Variants in ALK observed in about 807,000 individuals in gnomAD.
ALK encodes ALK receptor tyrosine kinase.
ALK carries 74 observed loss-of-function variants against 163.1 expected under a neutral mutation model. The observed-to-expected ratio is 0.45, with a 90% CI of 0.38 to 0.55. The LOEUF is 0.55. Among genes scored for constraint, ALK ranks in the 20% least tolerant of loss-of-function variants. ALK has a pLI of 0.00. For missense variants in ALK, 2,063 were observed against 2,105.3 expected (o/e 0.98, Z 0.39); for synonymous variants, 960 against 843.2 (o/e 1.14, Z -2.40).
chr2:29,654,510 C>T (rs1677123963), intron 3 of ALK, among the ~76,000 whole-genome samples: 1 of 152,062 alleles, frequency 6.6e-6, no homozygotes, highest in South Asian at 2.1e-4. Context: ...TTGGGTCATA[C>T]AGTTTGTGGG....
At chr2:29,646,299 C>T (rs1348077099) in intron 3 of ALK, among the ~76,000 whole-genome samples, 1 of 152,156 alleles carries the variant, frequency 6.6e-6, no homozygotes, top group East Asian at 1.9e-4. Flanking sequence ...GCCTCAAAAA[C>T]ACCACTCCTT....
intron 26 of ALK, among the ~76,000 whole-genome samples, chr2:29,202,234 CCTTT>C (rs1214105476): frequency 6.6e-6 from 1 of 152,172 alleles, no homozygotes; most frequent in Non-Finnish European, 1.5e-5. Flanking sequence ...CAAGGCCTGC[CCTTT>C]CTTTCAGGTA....
chr2:29,691,486 T>G (rs1377686775), intron 3 of ALK, among the ~76,000 whole-genome samples: 1 of 152,174 alleles, frequency 6.6e-6, no homozygotes, highest in Non-Finnish European at 1.5e-5. Context: ...CTAACAGTGA[T>G]GACTTTTCAG....
intron 3 of ALK, among the ~76,000 whole-genome samples, chr2:29,603,731 T>C (rs1675442021): frequency 6.6e-6 from 1 of 152,104 alleles, no homozygotes; most frequent in Non-Finnish European, 1.5e-5. Flanking sequence ...ATTCAGTCTC[T>C]CTGGAAACAT....
chr2:29,750,094 C>T (rs1342002670), intron 1 of ALK, among the ~76,000 whole-genome samples: 1 of 152,190 alleles, frequency 6.6e-6, no homozygotes, highest in African/African-American at 2.4e-5. Flanking sequence ...CCGCCGAGGG[C>T]ATGATTGCAT....
intron 1 of ALK, among the ~76,000 whole-genome samples, chr2:29,765,275 A>C (rs1680826730): frequency 1.3e-5 from 2 of 152,204 alleles, no homozygotes; most frequent in South Asian, 4.1e-4. Flanking sequence ...TTCTCACCTG[A>C]AAATGATCGA....
chr2:29,612,000 C>T (rs920661946), intron 3 of ALK, among the ~76,000 whole-genome samples: 9 of 152,164 alleles, frequency 5.9e-5, no homozygotes, highest in East Asian at 3.9e-4. Context: ...TCTTTCTCTA[C>T]GGTATCAATG....
At chr2:29,459,306 TC>T (rs759636859) in intron 4 of ALK, among the ~76,000 whole-genome samples, 2 of 152,070 alleles carry the variant, frequency 1.3e-5, no homozygotes, top group Non-Finnish European at 2.9e-5. Context: ...TTCTCCAACA[TC>T]CACATTTGAA....
At chr2:29,616,736 A>G (rs552382584) in intron 3 of ALK, among the ~76,000 whole-genome samples, 30 of 152,302 alleles carry the variant, frequency 2.0e-4, no homozygotes, top group East Asian at 1.7e-3. Flanking sequence ...CTGAATAGAC[A>G]GAGGACTGGC....
At chr2:29,384,358 T>A (rs768314215) in intron 4 of ALK, among the ~76,000 whole-genome samples, 2 of 152,200 alleles carry the variant, frequency 1.3e-5, no homozygotes, top group African/African-American at 2.4e-5. Context: ...TAGTAAGAAC[T>A]ATTTATTTAC....
chr2:29,204,450 A>G (rs190633565), intron 26 of ALK, among the ~76,000 whole-genome samples: 12 of 152,250 alleles, frequency 7.9e-5, no homozygotes, highest in Non-Finnish European at 1.6e-4. Flanking sequence ...TTTGTAGAAT[A>G]TTCCTCAATT....
chr2:29,573,172 G>C (rs1469116180), intron 3 of ALK, among the ~76,000 whole-genome samples: 8 of 152,154 alleles, frequency 5.3e-5, no homozygotes, highest in Non-Finnish European at 2.9e-5. Flanking sequence ...CTGAGAACTG[G>C]GCTGGATCTG....
Position 29,197,667 on chromosome 2 carries a change from T to A in ALK, c.3948A>T (p.Gly1316=). The change falls in exon 27 of 29, where the codon GGA becomes GGT. Residue 1316 remains glycine, a synonymous_variant. Coordinates refer to ENST00000389048, the MANE Select transcript of ALK (RefSeq NM_004304.5). ...FTSKTDTWSF[G]VLLWEIFSLG... ...GAGAAAAGATTTCCCATAGCAGCAC[T>A]CCAAAGGACCTGGGCATGGGACAGA... 1 of 1,613,792 alleles carries A rather than the reference T, an allele frequency of 6.2e-7. No homozygotes were observed. The highest frequency in any genetic ancestry group is 8.5e-7 in the Non-Finnish European group (1 of 1,179,932).
At chr2:29,193,954 T>G in intron 28 of ALK, 32 bp from the exon 29 acceptor site, 1 of 1,604,650 alleles carries the variant, frequency 6.2e-7, no homozygotes, top group Non-Finnish European at 8.5e-7. Flanking sequence ...AAACTTTGAA[T>G]CAGAGACAAA....
intron 4 of ALK, among the ~76,000 whole-genome samples, chr2:29,459,097 T>C (rs970847694): frequency 6.6e-6 from 1 of 152,172 alleles, no homozygotes; most frequent in Non-Finnish European, 1.5e-5. Context: ...TCTGATGCCA[T>C]CTAACATATG....
intron 1 of ALK, among the ~76,000 whole-genome samples, chr2:29,889,071 T>C (rs942561683): frequency 9.9e-5 from 15 of 152,192 alleles, no homozygotes; most frequent in Admixed American, 2.0e-4. Flanking sequence ...TAGAAGTTAA[T>C]TTGAACCAAA....
intron 5 of ALK, among the ~76,000 whole-genome samples, chr2:29,378,708 C>G (rs1668818194): frequency 6.6e-6 from 1 of 151,732 alleles, no homozygotes; most frequent in South Asian, 2.1e-4. Flanking sequence ...CCTCCCCTCC[C>G]CTCCCCTCCC....
At chr2:29,890,315 CAA>C (rs10598075) in intron 1 of ALK, 41,476 of 152,010 alleles carry the variant, frequency 0.27, 6,037 homozygotes, top group East Asian at 0.57. Context: ...TTTCCAGAGT[CAA>C]ACAGGCCTGG....
intron 1 of ALK, among the ~76,000 whole-genome samples, chr2:29,882,229 C>A (rs548137797): frequency 6.6e-6 from 1 of 152,048 alleles, no homozygotes; most frequent in East Asian, 1.9e-4. Flanking sequence ...ACTGTCAGAC[C>A]GGAAAGTTTA....
Sources: allele counts gnomAD v4.1 joint callset (sites outside exome capture counted in the v4.1 genomes callset), GRCh38; gene constraint gnomAD v4.1.1; transcripts MANE v1.5; gene names NCBI Gene and HGNC (gene_info 2026-07-23, HGNC 2026-07-21).